ASB4: variants seen among roughly 807,000 people sequenced by gnomAD.
The protein encoded by ASB4 is ankyrin repeat and SOCS box protein 4.
In ASB4, 35 loss-of-function variants were observed where a neutral mutation model predicts 38.6. That is an observed-to-expected ratio of 0.91 (90% confidence interval 0.69 to 1.20). ASB4 has a LOEUF of 1.20. Among genes scored for constraint, ASB4 ranks in the 50% most tolerant of loss-of-function variants. The pLI is 0.00. For synonymous variants in ASB4, 195 were observed against 201.3 expected, an observed-to-expected ratio of 0.97 and a Z score of 0.26; for missense variants, 557 against 527.2, an observed-to-expected ratio of 1.06 and a Z score of -0.55.
intron 2 of ASB4, among the ~76,000 whole-genome samples, chr7:95,516,116 G>T (rs17704073): frequency 0.079 from 12,044 of 152,118 alleles, 546 homozygotes; most frequent in Non-Finnish European, 0.095. Flanking sequence ...ATCCAAACTT[G>T]TATCTTCTAA....
downstream of ASB4, among the ~76,000 whole-genome samples, chr7:95,541,841 A>G (rs770968206): frequency 1.3e-4 from 20 of 152,176 alleles, no homozygotes; most frequent in Non-Finnish European, 2.2e-4. Flanking sequence ...AGGGAGGGTC[A>G]TTGGGTATCA....
chr7:95,509,577 T>C (rs1790453759), intron 2 of ASB4, among the ~76,000 whole-genome samples: 2 of 152,242 alleles, frequency 1.3e-5, no homozygotes, highest in South Asian at 4.1e-4. Flanking sequence ...AATAATTTAA[T>C]ATCTTTGTGC....
Position 95,513,293 on chromosome 7 carries a change from A to ATGTGTGTGTGTGTG in ASB4, c.488-14494_488-14481dup, listed in dbSNP as rs3046862. 2.1e-3 allele frequency among the ~76,000 whole-genome samples: 183 copies of ATGTGTGTGTGTGTG among 89,220 alleles called. 1 individual carries two copies. The highest frequency in any genetic ancestry group is 2.7e-3 in the African/African-American group (60 of 22,012). The allele number at this position is 89,220 out of a possible 152,430, so 58.5% of individuals were successfully genotyped here. A position where few individuals can be genotyped will look rare whatever the true frequency, so the allele number is the denominator to read the frequency against. Reference sequence around the variant, plus strand: ...TTTTTTTAGAAATCGAGCCAATAGAATGTGTGTGTGTGTGTGTGTGTGTGT... The same window carrying ATGTGTGTGTGTGTG: ...TTTTTTTAGAAATCGAGCCAATAGAATGTGTGTGTGTGTGTGTGTGTGTGTGTGTGTGTGTGTGT... On this transcript the variant is annotated intron_variant, in intron 2 of 4. Coordinates refer to ENST00000325885, the MANE Select transcript of ASB4 (RefSeq NM_016116.3).
At chr7:95,521,964 C>T (rs1482924371) in intron 2 of ASB4, among the ~76,000 whole-genome samples, 2 of 151,948 alleles carry the variant, frequency 1.3e-5, no homozygotes, top group Non-Finnish European at 2.9e-5. Context: ...CAGAAGAAAA[C>T]TAAAGCAAAT....
At chr7:95,522,092 T>C (rs1447064843) in intron 2 of ASB4, among the ~76,000 whole-genome samples, 1 of 152,170 alleles carries the variant, frequency 6.6e-6, no homozygotes, top group Admixed American at 6.5e-5. Flanking sequence ...TTGGTGCTGA[T>C]GTAATAATAG....
chr7:95,546,094 T>G, the ASB4 span, among the ~76,000 whole-genome samples: 30 of 152,244 alleles, frequency 2.0e-4, no homozygotes, highest in Non-Finnish European at 2.9e-4. Context: ...GTTCCCACCT[T>G]TGTAACTAGG....
At chr7:95,498,621 G>A (rs1275006790) in intron 2 of ASB4, among the ~76,000 whole-genome samples, 1 of 152,122 alleles carries the variant, frequency 6.6e-6, no homozygotes, top group African/African-American at 2.4e-5. Flanking sequence ...TAGTTTGCAC[G>A]TATTTCTCTT....
chr7:95,532,829 G>A (rs907897001), intron 3 of ASB4, among the ~76,000 whole-genome samples: 1 of 152,084 alleles, frequency 6.6e-6, no homozygotes, highest in Non-Finnish European at 1.5e-5. Flanking sequence ...TTGTCTAATT[G>A]TTCCTCCATG....
chr7:95,501,864 A>G (rs914752242), intron 2 of ASB4, among the ~76,000 whole-genome samples: 17 of 152,220 alleles, frequency 1.1e-4, no homozygotes, highest in African/African-American at 4.1e-4. Context: ...GGCTTATAAG[A>G]ATCAAGGAGA....
At chr7:95,541,374 CATT>C (rs1363483664), downstream of ASB4, among the ~76,000 whole-genome samples, 2 of 152,146 alleles carry the variant, frequency 1.3e-5, no homozygotes, top group African/African-American at 2.4e-5. Flanking sequence ...TTGTCATAAT[CATT>C]ATATTGTAGA....
intron 2 of ASB4, among the ~76,000 whole-genome samples, chr7:95,523,152 A>T (rs1026417815): frequency 2.6e-5 from 4 of 152,192 alleles, no homozygotes; most frequent in Non-Finnish European, 5.9e-5. Flanking sequence ...AATTTTAAAC[A>T]TTTTTTTAAC....
chr7:95,494,145 T>G (rs560200158), intron 1 of ASB4, among the ~76,000 whole-genome samples: 1 of 152,324 alleles, frequency 6.6e-6, no homozygotes, highest in South Asian at 2.1e-4. Context: ...GTGGCATGTC[T>G]CTAGTGTTTT....
At chr7:95,483,737 T>C (rs777014503), upstream of ASB4, among the ~76,000 whole-genome samples, 1 of 152,186 alleles carries the variant, frequency 6.6e-6, no homozygotes, top group Non-Finnish European at 1.5e-5. Flanking sequence ...TTTCTGTGTT[T>C]GTTCACTGCT....
upstream of ASB4, among the ~76,000 whole-genome samples, chr7:95,484,962 ATATG>A (rs1790065826): frequency 6.6e-6 from 1 of 150,914 alleles, no homozygotes; most frequent in Non-Finnish European, 1.5e-5. Context: ...ACACATATAT[ATATG>A]TGTGTATATA....
upstream of ASB4, among the ~76,000 whole-genome samples, chr7:95,481,272 G>A (rs1186925056): frequency 1.3e-5 from 2 of 151,928 alleles, no homozygotes; most frequent in Non-Finnish European, 1.5e-5. Context: ...ATCTTTACTG[G>A]TTCAGTTCCA....
the ASB4 span, among the ~76,000 whole-genome samples, chr7:95,546,985 A>G: frequency 5.8e-4 from 88 of 152,242 alleles, no homozygotes; most frequent in Non-Finnish European, 9.1e-4. Flanking sequence ...TACCACTCCA[A>G]TTTCCCACGT....
chr7:95,471,058 G>A, the ASB4 span, among the ~76,000 whole-genome samples: 2 of 151,862 alleles, frequency 1.3e-5, no homozygotes, highest in South Asian at 2.1e-4. Context: ...TATTGATTTC[G>A]TTCTTGTTTG....
the ASB4 span, among the ~76,000 whole-genome samples, chr7:95,472,658 C>T: frequency 1.3e-5 from 2 of 152,062 alleles, no homozygotes; most frequent in Non-Finnish European, 2.9e-5. Flanking sequence ...ACGTGCATAG[C>T]CTCAAGCAAA....
chr7:95,502,661 G>A (rs891729013), intron 2 of ASB4, among the ~76,000 whole-genome samples: 2 of 152,174 alleles, frequency 1.3e-5, no homozygotes, highest in African/African-American at 4.8e-5. Flanking sequence ...CAGTACACTA[G>A]AAATTAGAGA....
Sources: gnomAD v4.1 joint callset for allele counts (sites outside exome capture counted in the v4.1 genomes callset) on GRCh38, gnomAD v4.1.1 for gene constraint, MANE v1.5 for transcripts, NCBI Gene and HGNC (gene_info 2026-07-23, HGNC 2026-07-21) for gene names.